ATL2: variants seen among roughly 807,000 people sequenced by gnomAD.
ATL2 encodes atlastin-2.
Under a neutral mutation model 73.9 loss-of-function variants are expected in ATL2, and 31 were observed. The observed-to-expected ratio is 0.42, with a 90% CI of 0.32 to 0.57. The LOEUF (loss-of-function observed/expected upper bound fraction) is 0.57, where lower values mean the gene tolerates loss of function less well. Ranked by LOEUF, ATL2 falls within the 20% of genes least tolerant of loss-of-function variation. The pLI is 0.14. For synonymous variants in ATL2, 291 were observed against 237.5 expected (o/e 1.23, Z -2.07); for missense variants, 738 against 702.6 (o/e 1.05, Z -0.57).
At chr2:38,363,246 G>A (rs1351757447) in intron 1 of ATL2, among the ~76,000 whole-genome samples, 2 of 151,674 alleles carry the variant, frequency 1.3e-5, no homozygotes, top group Non-Finnish European at 2.9e-5. Flanking sequence ...AAGCCAAACT[G>A]TTAGCATCTT....
In ATL2 at chr2:38,313,227, A is replaced by C; in HGVS notation, c.728T>G (p.Ile243Ser). ...TTCATAAGGATAGCTCCAATCTCGA[A>C]TCAAAAACATTAATGTCTATACACA... ...QKPFQTLMFL[I>S]RDWSYPYEHS... Residue 243 changes from isoleucine (I) to serine (S), a missense_variant, in exon 7 of 13, where the codon ATT becomes AGT. Physicochemically the swap from Ile to Ser is moderately radical, Grantham distance 142. Coordinates refer to ENST00000378954, the MANE Select transcript of ATL2 (RefSeq NM_001135673.4). 6.2e-7 allele frequency: 1 copy of C among 1,610,484 alleles called. No homozygotes were observed. The highest frequency in any genetic ancestry group is 8.5e-7 in the Non-Finnish European group (1 of 1,178,242).
intron 11 of ATL2, among the ~76,000 whole-genome samples, 196 bp downstream of exon 11, chr2:38,299,060 T>C (rs932799152): frequency 6.6e-6 from 1 of 152,194 alleles, no homozygotes; most frequent in African/African-American, 2.4e-5. Flanking sequence ...ATTTACTAAC[T>C]CAAATTCTGC....
At chr2:38,340,834 T>C (rs922476342) in intron 2 of ATL2, among the ~76,000 whole-genome samples, 3 of 152,224 alleles carry the variant, frequency 2.0e-5, no homozygotes, top group African/African-American at 7.2e-5. Flanking sequence ...ATATCAGGAA[T>C]TCTATAGGGC....
intron 1 of ATL2, 117 bp downstream of exon 1, chr2:38,377,026 G>A (rs1210335260): frequency 1.1e-5 from 9 of 820,280 alleles, no homozygotes; most frequent in African/African-American, 7.4e-5. Context: ...GCGGCGGGAG[G>A]AGACCTGAAC....
At chr2:38,305,087 A>G (rs1667378097) in intron 9 of ATL2, among the ~76,000 whole-genome samples, 1 of 152,176 alleles carries the variant, frequency 6.6e-6, no homozygotes, top group Non-Finnish European at 1.5e-5. Context: ...CCAAAAAAAA[A>G]GAGCAGAAGA....
intron 12 of ATL2, among the ~76,000 whole-genome samples, chr2:38,297,533 A>C (rs1666960118): frequency 6.6e-6 from 1 of 152,270 alleles, no homozygotes; most frequent in South Asian, 2.1e-4. Flanking sequence ...TGGGGCTTTG[A>C]ATTCTGGTTC....
At chr2:38,335,547 A>T (rs566880755) in intron 2 of ATL2, among the ~76,000 whole-genome samples, 3 of 152,212 alleles carry the variant, frequency 2.0e-5, no homozygotes, top group Non-Finnish European at 4.4e-5. Flanking sequence ...ACTAATCTAC[A>T]TTAATACAAG....
chr2:38,320,500 A>G (rs540096475), intron 2 of ATL2, among the ~76,000 whole-genome samples: 1 of 152,334 alleles, frequency 6.6e-6, no homozygotes, highest in East Asian at 1.9e-4. Flanking sequence ...TCCATAATAA[A>G]AGTTTTTAAC....
Position 38,294,652 on chromosome 2 carries a change from A to G in ATL2, c.*1342T>C, listed in dbSNP as rs962230863. 2.1e-4 allele frequency among the ~76,000 whole-genome samples: 31 copies of G among 151,090 alleles called. No homozygotes were observed. The highest frequency in any genetic ancestry group is 2.7e-4 in the Non-Finnish European group (18 of 67,690). ...TTACATATACCACCAAAAAAAAAAA[A>G]AGAGAGAGAAAGAAATTAACAATCC... is the stretch of plus-strand genomic sequence containing the variant. On this transcript the variant is annotated 3_prime_UTR_variant, in exon 13 of 13. Transcript: ENST00000378954.
intron 1 of ATL2, among the ~76,000 whole-genome samples, chr2:38,360,206 C>CA (rs937659703): frequency 7.5e-5 from 11 of 147,266 alleles, no homozygotes; most frequent in Admixed American, 7.5e-4. Flanking sequence ...TTTAGGAAGT[C>CA]AACTTTGTTA....
At chr2:38,330,219 A>C (rs1351283143) in intron 2 of ATL2, among the ~76,000 whole-genome samples, 1 of 151,110 alleles carries the variant, frequency 6.6e-6, no homozygotes, top group Non-Finnish European at 1.5e-5. Context: ...CAGGATTTAA[A>C]AAAAAAAAAA....
intron 2 of ATL2, among the ~76,000 whole-genome samples, chr2:38,323,642 G>T (rs1558409358): frequency 1.3e-5 from 2 of 152,094 alleles, no homozygotes; most frequent in African/African-American, 2.4e-5. Flanking sequence ...CCAAAGGAAA[G>T]GTATACTCCC....
At chr2:38,319,610 A>C (rs1434787375) in intron 2 of ATL2, among the ~76,000 whole-genome samples, 1 of 146,470 alleles carries the variant, frequency 6.8e-6, no homozygotes, top group African/African-American at 2.8e-5. Flanking sequence ...AAAACAAAAA[A>C]AAAAAAGAGA....
intron 9 of ATL2, among the ~76,000 whole-genome samples, chr2:38,306,700 TC>T (rs1299161351): frequency 3.3e-5 from 5 of 152,100 alleles, no homozygotes; most frequent in East Asian, 1.9e-4. Context: ...AAATTCAACA[TC>T]CCTTCATGGT....
intron 1 of ATL2, among the ~76,000 whole-genome samples, chr2:38,357,182 G>A (rs915246680): frequency 6.6e-5 from 10 of 151,944 alleles, no homozygotes; most frequent in African/African-American, 2.2e-4. Flanking sequence ...ACAAAAATTA[G>A]CTGGGCATGG....
intron 2 of ATL2, among the ~76,000 whole-genome samples, chr2:38,340,211 C>G (rs1226711822): frequency 2.1e-5 from 2 of 93,372 alleles, no homozygotes; most frequent in African/African-American, 7.9e-5. Flanking sequence ...AGAAGGAACA[C>G]AAAGTGGGGG....
chr2:38,316,481 A>G (rs1185236897), intron 4 of ATL2, among the ~76,000 whole-genome samples: 2 of 152,168 alleles, frequency 1.3e-5, no homozygotes. Flanking sequence ...CTCAGTATGT[A>G]TTTGTTGAAG....
rs1314129404 is a variant in ATL2, at chr2:38,343,448, T to A, written c.183A>T (p.Val61=). The change falls in exon 2 of 13, where the codon GTA becomes GTT. Residue 61 remains valine, a synonymous_variant. Transcript: ENST00000378954. ...SDEVMKKPCP[V]QIVLAHEDDH... is the part of the protein sequence containing the mutation. Reference sequence around the variant, plus strand: ...CATCTTCATGAGCAAGAACAATCTGTACTGGACATGGTTTCTTCATAACCT... The same window carrying A: ...CATCTTCATGAGCAAGAACAATCTGAACTGGACATGGTTTCTTCATAACCT... The A allele has an allele frequency of 6.2e-7, 1 of 1,612,756 alleles. No individual in the cohort carries two copies. The highest frequency in any genetic ancestry group is 8.5e-7 in the Non-Finnish European group (1 of 1,179,150).
chr2:38,314,774 A>G lies in ATL2; in HGVS notation c.655-110T>C, dbSNP rs559449033. 2.1e-5 allele frequency: 14 copies of G among 669,722 alleles called. No homozygotes were observed. In the South Asian group the frequency reaches 2.7e-4, roughly 13 times the overall value. 41.5% of individuals were successfully genotyped at this position (669,722 alleles called of 1,614,324 possible). On this transcript the variant is annotated intron_variant, in intron 5 of 12. Coordinates refer to ENST00000378954, the MANE Select transcript of ATL2 (RefSeq NM_001135673.4). The stretch of plus-strand genomic sequence containing the variant: ...GTACCAGAACCTTTAAAATCATTTC[A>G]AAGCCAAACATTTAATTTTCTAACA...
Sources: allele counts gnomAD v4.1 joint callset (sites outside exome capture counted in the v4.1 genomes callset), GRCh38; gene constraint gnomAD v4.1.1; transcripts MANE v1.5; gene names NCBI Gene and HGNC (gene_info 2026-07-23, HGNC 2026-07-21).